The following RBFOX2 variants were observed in gnomAD, a reference collection of about 807,000 sequenced individuals.
The protein encoded by RBFOX2 is RNA binding protein fox-1 homolog 2.
In RBFOX2, 10 loss-of-function variants were observed where a neutral mutation model predicts 49.1. The ratio of observed to expected loss-of-function variants is 0.20; its 90% CI spans 0.13 to 0.35. The LOEUF is 0.35. RBFOX2 is among the 10% of genes least tolerant of loss of function. The pLI is 1.00. For missense variants in RBFOX2, 323 were observed against 486.9 expected (o/e 0.66, Z 3.17); for synonymous variants, 183 against 187.4 (o/e 0.98, Z 0.19).
chr22:35,958,747 T>C (rs1163839865), intron 1 of RBFOX2, among the ~76,000 whole-genome samples: 1 of 152,234 alleles, frequency 6.6e-6, no homozygotes, highest in Non-Finnish European at 1.5e-5. Flanking sequence ...ATTTTTTTTC[T>C]TGATGCCAAG....
intron 2 of RBFOX2, among the ~76,000 whole-genome samples, chr22:35,802,142 T>C (rs1304624381): frequency 6.6e-6 from 1 of 152,156 alleles, no homozygotes; most frequent in Non-Finnish European, 1.5e-5. Context: ...TAAATATATG[T>C]ATATTTACAT....
chr22:35,916,283 T>C (rs2050394236), intron 1 of RBFOX2, among the ~76,000 whole-genome samples: 1 of 152,038 alleles, frequency 6.6e-6, no homozygotes, highest in South Asian at 2.1e-4. Context: ...GGTGTTTGCA[T>C]GTTTGTTTGT....
chr22:35,962,109 G>A (rs770697176), upstream of RBFOX2, among the ~76,000 whole-genome samples: 2 of 152,172 alleles, frequency 1.3e-5, no homozygotes, highest in Non-Finnish European at 2.9e-5. Context: ...ACAGTGTTCC[G>A]CTGTTTCCTT....
chr22:35,977,767 C>CATAT (rs2057266303), intron 1 of RBFOX2, among the ~76,000 whole-genome samples: 1 of 117,858 alleles, frequency 8.5e-6, no homozygotes, highest in Non-Finnish European at 1.8e-5. Context: ...TATATACATG[C>CATAT]ACACACACAC....
exon 12 of RBFOX2, chr22:35,742,294 C>A (rs1930353445): frequency 6.6e-6 from 1 of 152,322 alleles, no homozygotes; most frequent in Admixed American, 6.6e-5. Context: ...TCAGGCACAG[C>A]CTCTCTCCCA....
upstream of RBFOX2, among the ~76,000 whole-genome samples, chr22:35,963,619 G>A (rs559119090): frequency 3.0e-4 from 46 of 152,244 alleles, no homozygotes; most frequent in South Asian, 3.5e-3. Flanking sequence ...GCAAAACAAA[G>A]CTCCATTTAT....
intron 1 of RBFOX2, among the ~76,000 whole-genome samples, chr22:35,858,928 T>C (rs1453537750): frequency 6.6e-6 from 1 of 150,458 alleles, no homozygotes; most frequent in Non-Finnish European, 1.5e-5. Flanking sequence ...AAACTACAAA[T>C]CAGAGGTAAC....
chr22:35,816,428 G>A (rs937180672), intron 1 of RBFOX2, among the ~76,000 whole-genome samples: 2 of 152,084 alleles, frequency 1.3e-5, no homozygotes, highest in African/African-American at 4.8e-5. Context: ...AGACAAAAGT[G>A]TTAAGTGTCT....
intron 1 of RBFOX2, among the ~76,000 whole-genome samples, chr22:35,828,137 G>T (rs2148609824): frequency 6.8e-6 from 1 of 147,216 alleles, no homozygotes; most frequent in East Asian, 2.0e-4. Context: ...CTCCAGCCTG[G>T]CCAACAGACT....
chr22:35,867,350 AC>A (rs2043810258), intron 1 of RBFOX2, among the ~76,000 whole-genome samples: 1 of 152,234 alleles, frequency 6.6e-6, no homozygotes, highest in African/African-American at 2.4e-5. Context: ...TAATATGAGT[AC>A]ATCTGCCAGC....
At chr22:35,947,672 TAAAAAAAAAAAAAAAA>T (rs559788717) in intron 1 of RBFOX2, among the ~76,000 whole-genome samples, 2 of 34,144 alleles carry the variant, frequency 5.9e-5, no homozygotes, top group African/African-American at 1.2e-4. Flanking sequence ...GTTTAAAAAG[TAAAAAAAAAAAAAAAA>T]AAAAAAAAAA....
At chr22:35,919,659 A>G (rs779502474) in intron 1 of RBFOX2, among the ~76,000 whole-genome samples, 2 of 152,242 alleles carry the variant, frequency 1.3e-5, no homozygotes, top group Non-Finnish European at 2.9e-5. Flanking sequence ...TAAAAGCCAC[A>G]CACTTTAAAT....
chr22:35,787,676 T>C (rs1946695169), intron 2 of RBFOX2, among the ~76,000 whole-genome samples: 1 of 152,244 alleles, frequency 6.6e-6, no homozygotes, highest in Non-Finnish European at 1.5e-5. Context: ...CTTATCTTTG[T>C]GAAAAGTGGA....
chr22:35,937,574 AG>A (rs2053235443), intron 1 of RBFOX2, among the ~76,000 whole-genome samples: 1 of 151,870 alleles, frequency 6.6e-6, no homozygotes, highest in Non-Finnish European at 1.5e-5. Context: ...GTTTTTTTGT[AG>A]TTGTTGTTTT....
At chr22:35,769,683 A>G (rs1348553361) in intron 4 of RBFOX2, among the ~76,000 whole-genome samples, 1 of 152,114 alleles carries the variant, frequency 6.6e-6, no homozygotes, top group Admixed American at 6.5e-5. Flanking sequence ...GAACCCTTTA[A>G]TTTTAACTGA....
At chr22:36,010,648 C>G (rs2058783445) in intron 1 of RBFOX2, among the ~76,000 whole-genome samples, 1 of 151,488 alleles carries the variant, frequency 6.6e-6, no homozygotes, top group South Asian at 2.1e-4. Context: ...ATGTGGAAGT[C>G]TATAAAGATT....
chr22:35,994,697 T>C (rs2058117036), intron 1 of RBFOX2: 1 of 152,050 alleles, frequency 6.6e-6, no homozygotes, highest in South Asian at 2.1e-4. Flanking sequence ...TGAGGTACCA[T>C]GCCTAGCTTT....
At chr22:35,868,681 T>C (rs1389549071) in intron 1 of RBFOX2, among the ~76,000 whole-genome samples, 1 of 152,196 alleles carries the variant, frequency 6.6e-6, no homozygotes, top group African/African-American at 2.4e-5. Context: ...CTTAATATGG[T>C]TGAGCTTCAC....
chr22:35,745,985 C>A lies in RBFOX2; in HGVS notation c.987G>T (p.Gly329=), dbSNP rs764357200. Residue 329 remains glycine (G), a synonymous_variant, in exon 11 of 12, where the codon GGG becomes GGT. Transcript: ENST00000405409. ...GCATGGTAGGGGTCGGCTGTGTACA[C>A]CCTGCCATAACTGGAAAGAAGAAAC... is the stretch of plus-strand genomic sequence containing the variant. 2.5e-6 allele frequency: 4 copies of A among 1,613,462 alleles called. No individual in the cohort carries two copies. Among genetic ancestry groups the A allele is most frequent in the Admixed American group, 1.7e-5 (1 of 59,968 alleles).
Sources: allele counts gnomAD v4.1 joint callset (sites outside exome capture counted in the v4.1 genomes callset), GRCh38; gene constraint gnomAD v4.1.1; transcripts MANE v1.5; gene names NCBI Gene and HGNC (gene_info 2026-07-23, HGNC 2026-07-21).